RERGL: variants seen among roughly 807,000 people sequenced by gnomAD.
RERGL encodes RERG like, also known as ras-related and estrogen-regulated growth inhibitor-like protein.
A neutral mutation model predicts 24.7 loss-of-function variants in RERGL; 22 were observed. That is an observed-to-expected ratio of 0.89 (90% CI 0.64 to 1.27). RERGL has a LOEUF of 1.27. RERGL is among the 50% of genes most tolerant of loss of function. The pLI is 0.00. For missense variants in RERGL, 259 were observed against 235.3 expected, an observed-to-expected ratio of 1.10 and a Z score of -0.66; for synonymous variants, 76 against 82.6, an observed-to-expected ratio of 0.92 and a Z score of 0.43.
chr12:18,082,829 C>T lies in RERGL; in HGVS notation c.333-1356G>A, dbSNP rs993197176. Among the ~76,000 whole-genome samples the T allele has an allele frequency of 4.6e-5, 7 of 152,126 alleles. No homozygotes were observed. In the East Asian group the frequency reaches 1.3e-3, roughly 29 times the overall value. On this transcript the variant is annotated intron_variant, in intron 4 of 4. Coordinates refer to ENST00000538724, the MANE Select transcript of RERGL (RefSeq NM_001286201.2). ...TAATCTCATGGACTTGTCCAACTCT[C>T]CTGTTTAAGAAATGTGTCTTTGTTA...
intron 4 of RERGL, among the ~76,000 whole-genome samples, chr12:18,084,109 C>G (rs1565486124): frequency 6.6e-6 from 1 of 152,106 alleles, no homozygotes; most frequent in Non-Finnish European, 1.5e-5. Flanking sequence ...ATAGATTGAA[C>G]AACTCAGTGA....
chr12:18,081,402 TCCCAGCCAAC>T lies in RERGL; in HGVS notation c.394_403del (p.Val132LysfsTer28). 1 of 1,614,006 alleles carries T rather than the reference TCCCAGCCAAC, an allele frequency of 6.2e-7. No individual in the cohort carries two copies. Among genetic ancestry groups the T allele is most frequent in the Non-Finnish European group, 8.5e-7 (1 of 1,179,988 alleles). On this transcript the variant is annotated frameshift_variant, in exon 5 of 5. Transcript: ENST00000538724. LOFTEE classifies it high-confidence loss of function. Reference sequence around the variant, plus strand: ...TTCCAGTGCCAGCTTTTGCCCTTCTTCCCAGCCAACCTCTCGCACATGACAAAGATCTCGT... The same window carrying T: ...TTCCAGTGCCAGCTTTTGCCCTTCTTCTCTCGCACATGACAAAGATCTCGT...
chr12:18,085,754 T>C (rs2136830652), intron 2 of RERGL, 61 bp from the exon 3 acceptor site: 2 of 887,482 alleles, frequency 2.3e-6, no homozygotes, highest in South Asian at 2.9e-5. Context: ...ACTGATAAAT[T>C]CAACCACTCA....
intron 1 of RERGL, 69 bp from the exon 2 acceptor site, chr12:18,089,025 A>G (rs1272371331): frequency 3.0e-6 from 4 of 1,337,982 alleles, no homozygotes; most frequent in Non-Finnish European, 4.3e-6. Flanking sequence ...TTATGTGCAT[A>G]AGGCTTTAGT....
intron 4 of RERGL, among the ~76,000 whole-genome samples, chr12:18,084,193 G>A (rs1947197779): frequency 1.3e-5 from 2 of 152,224 alleles, no homozygotes; most frequent in East Asian, 3.9e-4. Context: ...ATTTTTGTGA[G>A]AATGAAAAGA....
At chr12:18,089,229 CT>C in intron 1 of RERGL, 1 of 1,607,074 alleles carries the variant, frequency 6.2e-7, no homozygotes, top group Non-Finnish European at 8.5e-7. Flanking sequence ...GGCCACTTAC[CT>C]TTTGTAACAG....
rs765982755 is a variant in RERGL, at chr12:18,081,081, C to T, written c.*110G>A. On this transcript the variant is annotated 3_prime_UTR_variant, in exon 5 of 5. Transcript: ENST00000538724. Reference sequence around the variant, plus strand: ...GTTCATACTCAATCATTTCATATCTCCAAGAGAATTCTTTTTACCAAAAAA... The same window carrying T: ...GTTCATACTCAATCATTTCATATCTTCAAGAGAATTCTTTTTACCAAAAAA... The T allele has an allele frequency of 3.1e-6, 3 of 983,052 alleles. No homozygotes were observed. Among genetic ancestry groups the T allele is most frequent in the Non-Finnish European group, 4.4e-6 (3 of 682,594 alleles). 60.9% of individuals were successfully genotyped at this position (983,052 alleles called of 1,614,324 possible).
Position 18,081,422 on chromosome 12 carries a change from A to C in RERGL, c.384T>G (p.His128Gln). The change falls in exon 5 of 5, where the codon CAT (histidine) becomes CAG (glutamine). Residue 128 changes from histidine to glutamine, a missense_variant. Physicochemically the swap from His to Gln is conservative, Grantham distance 24 (BLOSUM62 0). Transcript: ENST00000538724. ...FLVGNKRDLC[H>Q]VREVGWEEGQ... Reference sequence around the variant, plus strand: ...CTTCTTCCCAGCCAACCTCTCGCACATGACAAAGATCTCGTTTGTTGCCAA... The same window carrying C: ...CTTCTTCCCAGCCAACCTCTCGCACCTGACAAAGATCTCGTTTGTTGCCAA... 1 of 1,613,822 alleles carries C rather than the reference A, an allele frequency of 6.2e-7. No homozygotes were observed. The highest frequency in any genetic ancestry group is 1.1e-5 in the South Asian group (1 of 91,058).
chr12:18,088,083 CCT>C (rs939393623), intron 2 of RERGL, among the ~76,000 whole-genome samples: 1 of 152,022 alleles, frequency 6.6e-6, no homozygotes, highest in African/African-American at 2.4e-5. Context: ...ATCATAAATT[CCT>C]CTTAGTCTAA....
chr12:18,087,938 T>G, intron 2 of RERGL, among the ~76,000 whole-genome samples: 1 of 152,154 alleles, frequency 6.6e-6, no homozygotes, highest in East Asian at 1.9e-4. Flanking sequence ...TCATAGGGAC[T>G]GAAATACTAT....
At chr12:18,082,743 A>G (rs1376848830) in intron 4 of RERGL, among the ~76,000 whole-genome samples, 3 of 152,132 alleles carry the variant, frequency 2.0e-5, no homozygotes, top group African/African-American at 7.2e-5. Context: ...ATATTATTCA[A>G]TATTTATTGC....
At position 18,084,546 on chromosome 12, in the gene RERGL, G is replaced by C; in HGVS notation, c.303C>G (p.Ile101Met). The C allele has an allele frequency of 6.2e-7, 1 of 1,608,196 alleles. No individual in the cohort carries two copies. Among genetic ancestry groups the C allele is most frequent in the Middle Eastern group, 1.7e-4 (1 of 6,026 alleles). ...TACAATGACTAGTTTGTGGCTCCCG[G>C]ATTCTGTAGATCAGCGCTTTTGCAA... Reference protein sequence around the residue: ...FAFAKALIYRIREPQTSHCKR... With the variant: ...FAFAKALIYRMREPQTSHCKR... The change falls in exon 4 of 5, where the codon ATC becomes ATG. Residue 101 changes from isoleucine to methionine, a missense_variant. Transcript: ENST00000538724.
At chr12:18,083,608 C>T (rs1269724879) in intron 4 of RERGL, among the ~76,000 whole-genome samples, 1 of 151,966 alleles carries the variant, frequency 6.6e-6, no homozygotes, top group Non-Finnish European at 1.5e-5. Flanking sequence ...TAAGGCAAAT[C>T]AAAGGAAAGC....
Position 18,084,539 on chromosome 12 carries a change from G to C in RERGL, c.310C>G (p.Pro104Ala), listed in dbSNP as rs533844786. The C allele has an allele frequency of 1.1e-5, 18 of 1,605,556 alleles. No homozygotes were observed. In the Middle Eastern group the frequency reaches 5.0e-4, roughly 44 times the overall value. The change falls in exon 4 of 5, where the codon CCA (proline) becomes GCA (alanine). Residue 104 changes from proline (P) to alanine (A), a missense_variant. Pro to Ala is a conservative substitution (Grantham distance 27). Coordinates refer to ENST00000538724, the MANE Select transcript of RERGL (RefSeq NM_001286201.2). ...TACCTTTTACAATGACTAGTTTGTG[G>C]CTCCCGGATTCTGTAGATCAGCGCT... ...AKALIYRIRE[P>A]QTSHCKRAVE...
chr12:18,086,210 AT>A (rs1947221189), intron 2 of RERGL, among the ~76,000 whole-genome samples: 2 of 151,842 alleles, frequency 1.3e-5, no homozygotes, highest in Non-Finnish European at 2.9e-5. Flanking sequence ...CACTATCTAT[AT>A]TCACCTACAT....
At chr12:18,082,905 A>G (rs34287989) in intron 4 of RERGL, among the ~76,000 whole-genome samples, 1 of 152,152 alleles carries the variant, frequency 6.6e-6, no homozygotes, top group Non-Finnish European at 1.5e-5. Flanking sequence ...TTATAAAGAA[A>G]CAATATAAAA....
In RERGL at chr12:18,090,101, T is replaced by C. The variant is rs1456884123; in HGVS notation, c.40A>G (p.Thr14Ala). 1 of 1,533,570 alleles carries C rather than the reference T, an allele frequency of 6.5e-7. No homozygotes were observed. The highest frequency in any genetic ancestry group is 8.7e-7 in the Non-Finnish European group (1 of 1,145,760). 95.0% of individuals were successfully genotyped at this position (1,533,570 alleles called of 1,614,324 possible). A position where few individuals can be genotyped will look rare whatever the true frequency, so the allele number is the denominator to read the frequency against. ...TGTCACCACTCACCAGATTTGCCTG[T>C]TCCTTCACCACCCAAGACAGCAAGC... ...VKLAVLGGEG[T>A]GKSALTVRFL... Residue 14 changes from threonine (T) to alanine (A), a missense_variant, in exon 1 of 5, where the codon ACA (threonine) becomes GCA (alanine). Coordinates refer to ENST00000538724, the MANE Select transcript of RERGL (RefSeq NM_001286201.2).
intron 4 of RERGL, 53 bp from the exon 5 acceptor site, chr12:18,081,526 TTAAAAA>T: frequency 9.9e-7 from 1 of 1,011,766 alleles, no homozygotes; most frequent in Non-Finnish European, 1.3e-6. Flanking sequence ...ACTCTTTTTT[TTAAAAA>T]AAAAAAAAAA....
At chr12:18,084,365 T>A in intron 4 of RERGL, 152 bp downstream of exon 4, 1 of 583,822 alleles carries the variant, frequency 1.7e-6, no homozygotes, top group South Asian at 3.5e-5. Context: ...TTCTTTTTAC[T>A]ACATGTGTAA....
Sources: allele counts gnomAD v4.1 joint callset (sites outside exome capture counted in the v4.1 genomes callset), GRCh38; gene constraint gnomAD v4.1.1; transcripts MANE v1.5; gene names NCBI Gene and HGNC (gene_info 2026-07-23, HGNC 2026-07-21).